The following SLC44A5 variants were observed in gnomAD, a reference collection of about 807,000 sequenced individuals.
SLC44A5 encodes the protein solute carrier family 44 member 5.
In SLC44A5, 57 loss-of-function variants were observed where a neutral mutation model predicts 101.8. The observed-to-expected ratio is 0.56, with a 90% confidence interval of 0.45 to 0.70. The LOEUF is 0.70. SLC44A5 is among the 30% of genes least tolerant of loss of function. The probability of loss-of-function intolerance (pLI) is 0.00; values close to 1 mark genes in which losing one functional copy is unlikely to be tolerated. For missense variants in SLC44A5, 737 were observed against 853.1 expected (o/e 0.86, Z 1.70); for synonymous variants, 281 against 290.9 (o/e 0.97, Z 0.35).
chr1:75,698,549 C>CG, the SLC44A5 span, among the ~76,000 whole-genome samples: 1 of 152,164 alleles, frequency 6.6e-6, no homozygotes, highest in Admixed American at 6.6e-5. Context: ...CACAAAGATG[C>CG]GGAAAAAACA....
the SLC44A5 span, among the ~76,000 whole-genome samples, chr1:75,678,102 G>C: frequency 5.3e-5 from 8 of 152,276 alleles, no homozygotes; most frequent in South Asian, 6.2e-4. Context: ...CACCTGGCTC[G>C]GAGGGTCCTA....
chr1:75,322,195 C>T (rs934286538), intron 4 of SLC44A5, among the ~76,000 whole-genome samples: 2 of 152,002 alleles, frequency 1.3e-5, no homozygotes, highest in Non-Finnish European at 2.9e-5. Flanking sequence ...GCCTGTAGTC[C>T]CAGCTACTCT....
At chr1:75,471,289 C>A (rs542167098) in intron 2 of SLC44A5, among the ~76,000 whole-genome samples, 1 of 151,828 alleles carries the variant, frequency 6.6e-6, no homozygotes, top group Non-Finnish European at 1.5e-5. Context: ...AATTTTCCTG[C>A]GAGATGGATT....
chr1:75,267,683 G>A (rs1348466113), intron 6 of SLC44A5, among the ~76,000 whole-genome samples: 1 of 151,918 alleles, frequency 6.6e-6, no homozygotes, highest in Non-Finnish European at 1.5e-5. Flanking sequence ...CCTGATAGCT[G>A]GGACTACAGG....
the SLC44A5 span, among the ~76,000 whole-genome samples, chr1:75,628,521 CA>C: frequency 6.6e-6 from 1 of 152,074 alleles, no homozygotes; most frequent in Non-Finnish European, 1.5e-5. Flanking sequence ...CTACAACTGA[CA>C]AATGGCAATA....
At chr1:75,543,616 C>T (rs1327622727) in intron 1 of SLC44A5, among the ~76,000 whole-genome samples, 3 of 146,416 alleles carry the variant, frequency 2.0e-5, no homozygotes, top group Admixed American at 1.4e-4. Flanking sequence ...TATACACACA[C>T]ACATATATAT....
In SLC44A5 at chr1:75,449,695, G is replaced by A. The variant is rs142138443; in HGVS notation, c.14-53074C>T. 1.8e-3 allele frequency among the ~76,000 whole-genome samples: 270 copies of A among 152,240 alleles called. 2 individuals carry two copies. Among genetic ancestry groups the A allele is most frequent in the African/African-American group, 6.3e-3 (260 of 41,546 alleles). The stretch of plus-strand genomic sequence containing the variant: ...TTTTTCCCCAAGATAGAGGATAAGA[G>A]GCTTTTAGTGTGCCTCAGCCACTTG... On this transcript the variant is annotated intron_variant, in intron 2 of 23. Transcript: ENST00000370859.
At chr1:75,661,142 A>G in the SLC44A5 span, among the ~76,000 whole-genome samples, 1 of 152,100 alleles carries the variant, frequency 6.6e-6, no homozygotes, top group Non-Finnish European at 1.5e-5. Context: ...AAACAGACAC[A>G]CAGACTAATG....
chr1:75,447,824 G>A (rs1202916826), intron 2 of SLC44A5, among the ~76,000 whole-genome samples: 2 of 151,876 alleles, frequency 1.3e-5, no homozygotes, highest in African/African-American at 2.4e-5. Context: ...ATATATCTAG[G>A]TTTCAGTAAG....
chr1:75,312,254 C>T (rs562131861), intron 4 of SLC44A5, among the ~76,000 whole-genome samples: 15 of 152,238 alleles, frequency 9.9e-5, no homozygotes, highest in Non-Finnish European at 1.5e-4. Context: ...GTCAATTAAA[C>T]CTCTTTCCTT....
chr1:75,653,497 A>G, the SLC44A5 span, among the ~76,000 whole-genome samples: 25 of 152,144 alleles, frequency 1.6e-4, no homozygotes. Flanking sequence ...AAAAGAAAAT[A>G]ATGACTCATG....
intron 1 of SLC44A5, among the ~76,000 whole-genome samples, chr1:75,557,330 A>G (rs1672273220): frequency 6.6e-6 from 1 of 152,150 alleles, no homozygotes; most frequent in Non-Finnish European, 1.5e-5. Flanking sequence ...CATGTAGATG[A>G]CTTTTTAGAG....
chr1:75,658,159 C>T, the SLC44A5 span, among the ~76,000 whole-genome samples: 3 of 152,118 alleles, frequency 2.0e-5, no homozygotes, highest in South Asian at 2.1e-4. Flanking sequence ...ACTGCAGCCT[C>T]GACCTCTGAG....
chr1:75,614,384 C>T (rs140792860), upstream of SLC44A5, among the ~76,000 whole-genome samples: 868 of 152,294 alleles, frequency 5.7e-3, 13 homozygotes, highest in Admixed American at 0.034. Context: ...AATTGTCATA[C>T]ATAGGTTATA....
intron 2 of SLC44A5, among the ~76,000 whole-genome samples, chr1:75,539,591 CAA>C (rs35332749): frequency 0.05 from 7,501 of 150,152 alleles, 220 homozygotes; most frequent in Middle Eastern, 0.088. Context: ...GTAAAAACTG[CAA>C]AAAAAAAATG....
In SLC44A5 at chr1:75,477,583, G is replaced by T. The variant is rs1462570744; in HGVS notation, c.13+63852C>A. ...GGAGCTGATGGAGCTGAAAACCAAG[G>T]CTCGAGAACTACGTGAAGAATGCAG... On this transcript the variant is annotated intron_variant, in intron 2 of 23. Coordinates refer to ENST00000370859, the MANE Select transcript of SLC44A5 (RefSeq NM_001130058.2). Among the ~76,000 whole-genome samples the T allele has an allele frequency of 2.0e-5, 3 of 152,276 alleles. No individual in the cohort carries two copies. The East Asian group carries it at 5.8e-4, about 29-fold the overall frequency.
chr1:75,264,128 T>TA (rs60140695), intron 6 of SLC44A5, among the ~76,000 whole-genome samples: 2,257 of 141,608 alleles, frequency 0.016, 57 homozygotes, highest in African/African-American at 0.054. Context: ...TTAAAGTATT[T>TA]AAAAAAAAAA....
At chr1:75,627,699 AAAG>A in the SLC44A5 span, among the ~76,000 whole-genome samples, 227 of 151,926 alleles carry the variant, frequency 1.5e-3, 3 homozygotes, top group African/African-American at 4.3e-3. Context: ...AATAAAAATT[AAAG>A]AAGAAGGGAA....
intron 1 of SLC44A5, among the ~76,000 whole-genome samples, chr1:75,567,852 T>C (rs211760): frequency 0.96 from 145,924 of 152,254 alleles, 69,960 homozygotes; most frequent in East Asian, 0.98. Flanking sequence ...TTTTCCACAC[T>C]GATATTCAAG....
Sources: gnomAD v4.1 joint callset for allele counts (sites outside exome capture counted in the v4.1 genomes callset) on GRCh38, gnomAD v4.1.1 for gene constraint, MANE v1.5 for transcripts, NCBI Gene and HGNC (gene_info 2026-07-23, HGNC 2026-07-21) for gene names.